Variants in NR1H4 observed in about 807,000 individuals in gnomAD.
The protein encoded by NR1H4 is bile acid receptor.
NR1H4 carries 23 observed loss-of-function variants against 58.5 expected under a neutral mutation model. That is an observed-to-expected ratio of 0.39 (90% confidence interval 0.28 to 0.56). NR1H4 has a LOEUF of 0.56. Among genes scored for constraint, NR1H4 ranks in the 20% least tolerant of loss-of-function variants. The probability of loss-of-function intolerance (pLI) is 0.58; values close to 1 mark genes in which losing one functional copy is unlikely to be tolerated. For missense variants in NR1H4, 487 were observed against 576.9 expected, an observed-to-expected ratio of 0.84 and a Z score of 1.60; for synonymous variants, 214 against 198.0, an observed-to-expected ratio of 1.08 and a Z score of -0.68.
chr12:100,547,333 G>C (rs566025088), intron 9 of NR1H4, among the ~76,000 whole-genome samples: 18 of 152,116 alleles, frequency 1.2e-4, no homozygotes, highest in Non-Finnish European at 1.6e-4. Flanking sequence ...GATGCACACA[G>C]AGCTCCCCAG....
intron 3 of NR1H4, among the ~76,000 whole-genome samples, chr12:100,506,683 T>A (rs1389764183): frequency 6.6e-6 from 1 of 152,160 alleles, no homozygotes; most frequent in Non-Finnish European, 1.5e-5. Flanking sequence ...AATTTTTGTA[T>A]CTTTAGTAGA....
chr12:100,563,763 T>G lies in NR1H4; in HGVS notation c.*274T>G. 1 of 423,860 alleles carries G rather than the reference T, an allele frequency of 2.4e-6. No homozygotes were observed. The allele number at this position is 423,860 out of a possible 1,614,324, so 26.3% of individuals were successfully genotyped here. A position where few individuals can be genotyped will look rare whatever the true frequency, so the allele number is the denominator to read the frequency against. ...TTGATTGTTACTTCAATTCTATCTGTTGAACTAGGGAAAATCTCATTTTGC... is the reference window on the plus strand; with the variant it reads ...TTGATTGTTACTTCAATTCTATCTGGTGAACTAGGGAAAATCTCATTTTGC... On this transcript the variant is annotated 3_prime_UTR_variant, in exon 11 of 11. Transcript: ENST00000392986.
intron 9 of NR1H4, among the ~76,000 whole-genome samples, chr12:100,553,623 T>G (rs2136298851): frequency 6.6e-6 from 1 of 152,126 alleles, no homozygotes; most frequent in Non-Finnish European, 1.5e-5. Context: ...CCTAAAAAAG[T>G]AAGAAAATGT....
At chr12:100,530,652 T>C (rs188780187) in intron 4 of NR1H4, among the ~76,000 whole-genome samples, 57 of 152,320 alleles carry the variant, frequency 3.7e-4, no homozygotes, top group African/African-American at 1.4e-3. Context: ...TTTTGGAGCA[T>C]GTGACTAGTG....
chr12:100,524,462 C>T (rs964213023), intron 4 of NR1H4, among the ~76,000 whole-genome samples: 18 of 152,146 alleles, frequency 1.2e-4, no homozygotes, highest in Admixed American at 9.2e-4. Context: ...CTACCTGGCA[C>T]TTTAAATGGT....
At chr12:100,497,973 C>G (rs1953751835) in intron 3 of NR1H4, among the ~76,000 whole-genome samples, 1 of 152,156 alleles carries the variant, frequency 6.6e-6, no homozygotes, top group South Asian at 2.1e-4. Flanking sequence ...ACCCAATGTT[C>G]CTGGGCACAG....
chr12:100,500,170 G>T (rs1953801866), intron 3 of NR1H4: 1 of 330,288 alleles, frequency 3.0e-6, no homozygotes, highest in African/African-American at 2.2e-5. Context: ...TAAGTCTCCA[G>T]GCTTAGAGAA....
chr12:100,503,414 A>T, intron 3 of NR1H4: 1 of 1,597,656 alleles, frequency 6.3e-7, no homozygotes, highest in Non-Finnish European at 8.5e-7. Context: ...AGGGGTTAGA[A>T]AATCCAATTC....
chr12:100,548,432 C>T (rs1026391399), intron 9 of NR1H4, among the ~76,000 whole-genome samples: 1 of 151,936 alleles, frequency 6.6e-6, no homozygotes, highest in Non-Finnish European at 1.5e-5. Context: ...ATTTGCATCC[C>T]CTAAACCTTC....
At chr12:100,519,004 T>G (rs1187491484) in intron 4 of NR1H4, among the ~76,000 whole-genome samples, 2 of 151,788 alleles carry the variant, frequency 1.3e-5, no homozygotes, top group Non-Finnish European at 2.9e-5. Context: ...GCTAGGGTGG[T>G]TTTGAAGTCC....
intron 9 of NR1H4, among the ~76,000 whole-genome samples, chr12:100,555,539 G>T (rs933221900): frequency 3.3e-5 from 5 of 152,164 alleles, no homozygotes; most frequent in African/African-American, 1.2e-4. Flanking sequence ...CTGAAATTAA[G>T]ATGGACTAAT....
chr12:100,509,038 T>C (rs1218410513), intron 3 of NR1H4, among the ~76,000 whole-genome samples: 1 of 152,200 alleles, frequency 6.6e-6, no homozygotes, highest in East Asian at 1.9e-4. Flanking sequence ...AAATTCTGAC[T>C]TCTAAAACAC....
chr12:100,537,448 TG>T (rs1954839151), intron 8 of NR1H4, among the ~76,000 whole-genome samples: 1 of 152,252 alleles, frequency 6.6e-6, no homozygotes, highest in East Asian at 1.9e-4. Flanking sequence ...AAGCAATTGT[TG>T]ATACCTACTC....
chr12:100,534,794 G>A lies in NR1H4; in HGVS notation c.599-96G>A. The A allele has an allele frequency of 4.3e-6, 6 of 1,395,552 alleles. No homozygotes were observed. The South Asian group carries it at 7.0e-5, about 16-fold the overall frequency. The allele number at this position is 1,395,552 out of a possible 1,614,324, so 86.4% of individuals were successfully genotyped here. A position where few individuals can be genotyped will look rare whatever the true frequency, so the allele number is the denominator to read the frequency against. On this transcript the variant is annotated intron_variant, in intron 5 of 10. Transcript: ENST00000392986. ...CGTTAGTTCTGTGCCATTGCATAGG[G>A]GATCTTCTGGGCCAGGTACATATCA...
At chr12:100,556,168 C>T (rs941881634) in intron 9 of NR1H4, among the ~76,000 whole-genome samples, 2 of 152,020 alleles carry the variant, frequency 1.3e-5, no homozygotes, top group African/African-American at 4.8e-5. Context: ...TTAAATAAAT[C>T]GTATAATTCT....
intron 1 of NR1H4, among the ~76,000 whole-genome samples, chr12:100,476,590 G>T (rs1485360952): frequency 6.6e-6 from 1 of 152,132 alleles, no homozygotes; most frequent in African/African-American, 2.4e-5. Context: ...ATTTTCAAAG[G>T]CTCACATTGT....
At chr12:100,491,712 A>G (rs1452826530) in intron 1 of NR1H4, among the ~76,000 whole-genome samples, 3 of 151,900 alleles carry the variant, frequency 2.0e-5, no homozygotes, top group Non-Finnish European at 2.9e-5. Flanking sequence ...CCGTGGGTTT[A>G]CCAGATGGAC....
At chr12:100,482,885 C>T (rs1406349810) in intron 1 of NR1H4, among the ~76,000 whole-genome samples, 7 of 152,006 alleles carry the variant, frequency 4.6e-5, no homozygotes, top group Admixed American at 3.3e-4. Flanking sequence ...AGAGCAGAGA[C>T]GCTTTGAAAG....
chr12:100,543,726 G>A (rs1445600016), intron 9 of NR1H4, among the ~76,000 whole-genome samples: 1 of 152,058 alleles, frequency 6.6e-6, no homozygotes, highest in African/African-American at 2.4e-5. Context: ...AGCTACTGAA[G>A]TATCCTGATT....
Sources: gnomAD v4.1 joint callset for allele counts (sites outside exome capture counted in the v4.1 genomes callset) on GRCh38, gnomAD v4.1.1 for gene constraint, MANE v1.5 for transcripts, NCBI Gene and HGNC (gene_info 2026-07-23, HGNC 2026-07-21) for gene names.